NAALADL2: variants seen among roughly 807,000 people sequenced by gnomAD.
The protein encoded by NAALADL2 is inactive N-acetylated-alpha-linked acidic dipeptidase-like protein 2.
A neutral mutation model predicts 87.2 loss-of-function variants in NAALADL2; 76 were observed. That is an observed-to-expected ratio of 0.87 (90% confidence interval 0.72 to 1.05). The LOEUF is 1.05. Ranked by LOEUF, NAALADL2 falls within the 50% of genes least tolerant of loss-of-function variation. The pLI is 0.00. For synonymous variants in NAALADL2, 354 were observed against 331.0 expected (o/e 1.07, Z -0.75); for missense variants, 1,089 against 945.8 (o/e 1.15, Z -1.99).
At chr3:175,347,596 G>T (rs149765745) in intron 5 of NAALADL2, among the ~76,000 whole-genome samples, 2,030 of 152,178 alleles carry the variant, frequency 0.013, 31 homozygotes, top group Admixed American at 0.048. Context: ...AACAATAAAT[G>T]ATGACAGTGA....
intron 1 of NAALADL2, among the ~76,000 whole-genome samples, chr3:174,485,581 A>C (rs978091789): frequency 6.6e-6 from 1 of 151,880 alleles, no homozygotes; most frequent in African/African-American, 2.4e-5. Flanking sequence ...AGTTTGTTAA[A>C]GATAATGATC....
intron 9 of NAALADL2, among the ~76,000 whole-genome samples, chr3:175,524,042 C>A (rs1284322900): frequency 1.3e-5 from 2 of 152,156 alleles, no homozygotes; most frequent in African/African-American, 4.8e-5. Context: ...TTTTAAAAAG[C>A]TTTCTCTGGA....
At chr3:174,797,887 T>C (rs1718331934) in intron 3 of NAALADL2, among the ~76,000 whole-genome samples, 1 of 152,236 alleles carries the variant, frequency 6.6e-6, no homozygotes, top group African/African-American at 2.4e-5. Context: ...GTCTATTTTT[T>C]GGTGACTTGT....
intron 11 of NAALADL2, among the ~76,000 whole-genome samples, chr3:175,656,857 G>T (rs894962560): frequency 1.4e-4 from 21 of 152,010 alleles, no homozygotes; most frequent in African/African-American, 4.8e-4. Context: ...CCTGTAACCT[G>T]GCTTTGTGTC....
chr3:175,151,694 G>A (rs1226869315), intron 2 of NAALADL2, among the ~76,000 whole-genome samples: 1 of 151,688 alleles, frequency 6.6e-6, no homozygotes, highest in African/African-American at 2.4e-5. Flanking sequence ...ATACATACAC[G>A]CACATGCATA....
chr3:174,506,459 G>A (rs1295656231), intron 1 of NAALADL2, among the ~76,000 whole-genome samples: 2 of 152,034 alleles, frequency 1.3e-5, no homozygotes, highest in Admixed American at 6.6e-5. Context: ...AGGATTACAG[G>A]CGTGAACCAC....
intron 1 of NAALADL2, among the ~76,000 whole-genome samples, chr3:174,473,085 A>G (rs1242877239): frequency 6.6e-6 from 1 of 152,204 alleles, no homozygotes; most frequent in Non-Finnish European, 1.5e-5. Context: ...TACGTCTTCC[A>G]GTTACCAGTG....
At chr3:174,956,238 A>T (rs143616759) in intron 1 of NAALADL2, among the ~76,000 whole-genome samples, 201 of 152,150 alleles carry the variant, frequency 1.3e-3, no homozygotes, top group African/African-American at 4.6e-3. Context: ...TCTTTCCACG[A>T]TTAGAAGTAA....
At chr3:175,283,059 A>G (rs564969901) in intron 4 of NAALADL2, among the ~76,000 whole-genome samples, 1 of 152,216 alleles carries the variant, frequency 6.6e-6, no homozygotes, top group African/African-American at 2.4e-5. Context: ...ATAGTATTAT[A>G]GACACAATGT....
At chr3:175,377,939 C>A (rs1189111300) in intron 5 of NAALADL2, among the ~76,000 whole-genome samples, 1 of 151,938 alleles carries the variant, frequency 6.6e-6, no homozygotes, top group South Asian at 2.1e-4. Flanking sequence ...TGGCAATAAA[C>A]CCCGCCCCCT....
At chr3:175,658,237 T>C (rs1362386561) in intron 11 of NAALADL2, among the ~76,000 whole-genome samples, 1 of 152,122 alleles carries the variant, frequency 6.6e-6, no homozygotes, top group Non-Finnish European at 1.5e-5. Context: ...CTATGGATTA[T>C]TTAATCTACA....
chr3:174,969,791 G>A (rs1189588119), intron 1 of NAALADL2, among the ~76,000 whole-genome samples: 4 of 152,126 alleles, frequency 2.6e-5, no homozygotes, highest in Admixed American at 6.6e-5. Context: ...TAGGAGTCTA[G>A]CATTGATTAC....
intron 10 of NAALADL2, among the ~76,000 whole-genome samples, chr3:175,606,066 G>A (rs924623155): frequency 3.9e-5 from 6 of 152,148 alleles, no homozygotes; most frequent in African/African-American, 9.7e-5. Flanking sequence ...ACATCACTAC[G>A]ATGTTGTATG....
chr3:174,615,642 C>A (rs1298407583), intron 2 of NAALADL2, among the ~76,000 whole-genome samples: 1 of 152,052 alleles, frequency 6.6e-6, no homozygotes, highest in Non-Finnish European at 1.5e-5. Flanking sequence ...GTTTATGTCA[C>A]CTGAAAGTGA....
intron 11 of NAALADL2, among the ~76,000 whole-genome samples, chr3:175,702,123 A>G (rs1678113402): frequency 1.3e-5 from 2 of 152,202 alleles, no homozygotes; most frequent in South Asian, 4.1e-4. Flanking sequence ...ACATTTAACA[A>G]GATAACACAT....
At chr3:174,527,678 T>C (rs1720887110) in intron 1 of NAALADL2, among the ~76,000 whole-genome samples, 1 of 152,116 alleles carries the variant, frequency 6.6e-6, no homozygotes. Flanking sequence ...GTTGGGAAAG[T>C]CTAAAGAATC....
At chr3:175,609,247 G>A (rs1200424023) in intron 10 of NAALADL2, among the ~76,000 whole-genome samples, 2 of 151,942 alleles carry the variant, frequency 1.3e-5, no homozygotes, top group Non-Finnish European at 2.9e-5. Flanking sequence ...CTGAAACATT[G>A]GAAGCAATGA....
chr3:175,605,615 G>A (rs1165196319), intron 10 of NAALADL2, among the ~76,000 whole-genome samples: 4 of 146,458 alleles, frequency 2.7e-5, no homozygotes, highest in Non-Finnish European at 5.9e-5. Flanking sequence ...TCCTCAGGCT[G>A]AGGACACCTA....
intron 2 of NAALADL2, among the ~76,000 whole-genome samples, chr3:175,189,376 C>A (rs1341076162): frequency 6.6e-6 from 1 of 152,046 alleles, no homozygotes; most frequent in East Asian, 1.9e-4. Flanking sequence ...TAAATAAATT[C>A]AGTAAAGTTG....
Sources: allele counts gnomAD v4.1 joint callset (sites outside exome capture counted in the v4.1 genomes callset), GRCh38; gene constraint gnomAD v4.1.1; transcripts MANE v1.5; gene names NCBI Gene and HGNC (gene_info 2026-07-23, HGNC 2026-07-21).